Variants in PASD1 observed in about 807,000 individuals in gnomAD.
PASD1 encodes circadian clock protein PASD1.
In PASD1, 13 loss-of-function variants were observed where a neutral mutation model predicts 58.8. The observed-to-expected ratio is 0.22, with a 90% CI of 0.14 to 0.35. The LOEUF (loss-of-function observed/expected upper bound fraction) is 0.35, where lower values mean the gene tolerates loss of function less well. Ranked by LOEUF, PASD1 falls within the 10% of genes least tolerant of loss-of-function variation. PASD1 has a pLI of 1.00. For missense variants in PASD1, 734 were observed against 568.3 expected (o/e 1.29, Z -2.96); for synonymous variants, 236 against 216.7 (o/e 1.09, Z -0.78).
intron 8 of PASD1, among the ~76,000 whole-genome samples, chrX:151,629,204 C>T (rs1323610163): frequency 1.8e-5 from 2 of 111,197 alleles, no homozygotes; most frequent in Non-Finnish European, 3.8e-5. Context: ...GCTGCAACCT[C>T]CACCTGCCGG....
intron 8 of PASD1, among the ~76,000 whole-genome samples, chrX:151,646,764 T>C (rs1378537415): frequency 8.9e-6 from 1 of 112,527 alleles, no homozygotes; most frequent in South Asian, 3.6e-4. Context: ...ACATTTTGAT[T>C]GAATTGACTA....
chrX:151,655,220 A>G (rs1312027044), intron 9 of PASD1, among the ~76,000 whole-genome samples: 3 of 110,430 alleles, frequency 2.7e-5, no homozygotes, highest in Non-Finnish European at 5.7e-5. Flanking sequence ...TCCCTGGTGT[A>G]TATGGGCCAC....
intron 8 of PASD1, among the ~76,000 whole-genome samples, chrX:151,642,084 T>A (rs1221411188): frequency 8.9e-6 from 1 of 112,230 alleles, no homozygotes; most frequent in African/African-American, 3.2e-5. Context: ...TCCTAAAACA[T>A]TTATATGCTA....
intron 9 of PASD1, among the ~76,000 whole-genome samples, chrX:151,653,742 CTTTCCTTCCTTCTTTCTTTCTTTCTTTCT>C (rs1569413620): frequency 9.0e-5 from 5 of 55,572 alleles, no homozygotes; most frequent in Non-Finnish European, 1.9e-4. Flanking sequence ...CTCTCTCTTT[CTTTCCTTCCTTCTTTCTTTCTTTCTTTCT>C]TTCTTTCTTT....
At chrX:151,612,792 CT>C (rs1293250685) in intron 4 of PASD1, among the ~76,000 whole-genome samples, 9 of 111,692 alleles carry the variant, frequency 8.1e-5, no homozygotes, top group African/African-American at 2.9e-4. Context: ...ATGGTAGTTT[CT>C]TTTGCTGTGC....
chrX:151,581,226 T>TAAAAAAAAAAAAAAAAAAAAAAAA, intron 1 of PASD1, among the ~76,000 whole-genome samples: 1 of 2,014 alleles, frequency 5.0e-4, no homozygotes, highest in South Asian at 0.034. Context: ...AAGCTCTGTA[T>TAAAAAAAAAAAAAAAAAAAAAAAA]CAAAAAAAAA....
rs762258468 is a variant in PASD1, at chrX:151,648,692, C to T, written c.707C>T (p.Ala236Val). ...CCCGCTGCTGCTGCTGCTGCTGCTGCTATCTCAGACGTATGTACATTGAGG... is the reference window on the plus strand; with the variant it reads ...CCCGCTGCTGCTGCTGCTGCTGCTGTTATCTCAGACGTATGTACATTGAGG... ...VEPAAAAAAA[A>V]ISDDQIDIAE... The change falls in exon 9 of 16, where the codon GCT becomes GTT. Residue 236 changes from alanine to valine, a missense_variant. Transcript: ENST00000370357. 9 of 1,210,348 alleles carry T rather than the reference C, an allele frequency of 7.4e-6. No homozygotes were observed. The South Asian group carries it at 1.6e-4, about 21-fold the overall frequency.
intron 8 of PASD1, among the ~76,000 whole-genome samples, chrX:151,642,351 C>T (rs2014008648): frequency 9.1e-6 from 1 of 109,423 alleles, no homozygotes; most frequent in Admixed American, 9.7e-5. Context: ...AGTTTGGATC[C>T]CTTATCTATT....
intron 1 of PASD1, among the ~76,000 whole-genome samples, chrX:151,571,818 A>G (rs1354750105): frequency 8.9e-6 from 1 of 112,116 alleles, no homozygotes; most frequent in Non-Finnish European, 1.9e-5. Flanking sequence ...AACAGTAGCA[A>G]CACATCTAAT....
At position 151,676,067 on chromosome X, in the gene PASD1, A is replaced by C. The variant is rs1395260634; in HGVS notation, c.2246A>C (p.Gln749Pro). The change falls in exon 16 of 16, where the codon CAG becomes CCG. Residue 749 changes from glutamine (Q) to proline (P), a missense_variant. Gln to Pro is a moderately conservative substitution (Grantham distance 76, BLOSUM62 -1). Coordinates refer to ENST00000370357, the MANE Select transcript of PASD1 (RefSeq NM_173493.3). ...GCTTTCCAAGGCCCTGCTGCATACC[A>C]GCCAGACCAGATGAGATCTGCGGAG... ...PQAFQGPAAY[Q>P]PDQMRSAEQT... 2 of 1,209,549 alleles carry C rather than the reference A, an allele frequency of 1.7e-6. No homozygotes were observed. The highest frequency in any genetic ancestry group is 3.0e-5 in the East Asian group (1 of 33,731).
intron 8 of PASD1, among the ~76,000 whole-genome samples, chrX:151,635,535 C>A (rs746578300): frequency 8.9e-6 from 1 of 112,191 alleles, no homozygotes; most frequent in East Asian, 2.8e-4. Context: ...GTATTTGCAA[C>A]ACTCTTTTCC....
chrX:151,647,801 A>G (rs73239678), intron 8 of PASD1, among the ~76,000 whole-genome samples: 21,302 of 110,469 alleles, frequency 0.19, 1,748 homozygotes, highest in Non-Finnish European at 0.27. Context: ...TTGGATCAGA[A>G]TTCACTTTTT....
intron 8 of PASD1, among the ~76,000 whole-genome samples, chrX:151,633,362 A>G (rs1189775892): frequency 2.7e-5 from 3 of 111,711 alleles, no homozygotes; most frequent in African/African-American, 9.8e-5. Flanking sequence ...TTAGCAGATA[A>G]GGAAAGGAGT....
At chrX:151,622,244 A>G (rs915943941) in intron 6 of PASD1, among the ~76,000 whole-genome samples, 1 of 111,161 alleles carries the variant, frequency 9.0e-6, no homozygotes, top group African/African-American at 3.3e-5. Flanking sequence ...AAATTAACAT[A>G]AATTAATTAA....
At chrX:151,572,571 C>T (rs907571018) in intron 1 of PASD1, among the ~76,000 whole-genome samples, 1 of 111,297 alleles carries the variant, frequency 9.0e-6, no homozygotes. Flanking sequence ...TTTTTCTGTT[C>T]ATTTATATAT....
chrX:151,589,590 A>C (rs2013217802), intron 1 of PASD1, among the ~76,000 whole-genome samples: 1 of 111,698 alleles, frequency 9.0e-6, no homozygotes, highest in Non-Finnish European at 1.9e-5. Context: ...AGGTATTATA[A>C]CCCCCATTTT....
chrX:151,595,153 G>C (rs2013302776), intron 1 of PASD1, among the ~76,000 whole-genome samples: 1 of 111,556 alleles, frequency 9.0e-6, no homozygotes, highest in African/African-American at 3.3e-5. Context: ...GGATATATGA[G>C]TTTATATTTT....
intron 8 of PASD1, among the ~76,000 whole-genome samples, chrX:151,645,152 C>T (rs1008826391): frequency 9.0e-5 from 10 of 111,590 alleles, no homozygotes; most frequent in Non-Finnish European, 1.9e-4. Context: ...GTTAGAGTAA[C>T]CTTAAAAATT....
At chrX:151,666,056 TTC>T (rs199581754) in intron 11 of PASD1, among the ~76,000 whole-genome samples, 4 of 107,892 alleles carry the variant, frequency 3.7e-5, no homozygotes, top group Admixed American at 2.0e-4. Flanking sequence ...TTGTAGGGTA[TTC>T]TCTCTCTCTC....
Sources: gnomAD v4.1 joint callset for allele counts (sites outside exome capture counted in the v4.1 genomes callset) on GRCh38, gnomAD v4.1.1 for gene constraint, MANE v1.5 for transcripts, NCBI Gene and HGNC (gene_info 2026-07-23, HGNC 2026-07-21) for gene names.